Variants in EZH2 observed in about 807,000 individuals in gnomAD.
EZH2 encodes the protein enhancer of zeste 2 polycomb repressive complex 2 subunit.
EZH2 carries 18 observed loss-of-function variants against 98.4 expected under a neutral mutation model. The observed-to-expected ratio is 0.18, with a 90% CI of 0.13 to 0.27. The LOEUF (loss-of-function observed/expected upper bound fraction) is 0.27, where lower values mean the gene tolerates loss of function less well. Among genes scored for constraint, EZH2 ranks in the 10% least tolerant of loss-of-function variants. The pLI is 1.00. For synonymous variants in EZH2, 338 were observed against 312.3 expected, an observed-to-expected ratio of 1.08 and a Z score of -0.87; for missense variants, 470 against 935.1, an observed-to-expected ratio of 0.50 and a Z score of 6.49.
At chr7:148,864,865 G>A (rs984064094) in intron 1 of EZH2, among the ~76,000 whole-genome samples, 9 of 151,856 alleles carry the variant, frequency 5.9e-5, no homozygotes, top group Middle Eastern at 6.8e-3. Context: ...AGTGGCTCAC[G>A]CCTGTAATCC....
At chr7:148,808,907 G>T (rs1402346960) in intron 19 of EZH2, among the ~76,000 whole-genome samples, 164 bp downstream of exon 19, 1 of 152,098 alleles carries the variant, frequency 6.6e-6, no homozygotes, top group East Asian at 1.9e-4. Flanking sequence ...TATATAAATG[G>T]ATAATAAATA....
intron 8 of EZH2, among the ~76,000 whole-genome samples, chr7:148,823,434 C>G (rs1419493082): frequency 6.6e-6 from 1 of 152,068 alleles, no homozygotes; most frequent in Non-Finnish European, 1.5e-5. Flanking sequence ...TAAATCCTAT[C>G]CTTATTCCAA....
intron 16 of EZH2, 82 bp downstream of exon 16, chr7:148,811,543 G>T: frequency 9.0e-7 from 1 of 1,113,936 alleles, no homozygotes; most frequent in Non-Finnish European, 1.3e-6. Flanking sequence ...CAAACCCACA[G>T]ACTTACCTAA....
chr7:148,881,516 A>G (rs1243187654), intron 1 of EZH2, among the ~76,000 whole-genome samples: 1 of 152,234 alleles, frequency 6.6e-6, no homozygotes, highest in Non-Finnish European at 1.5e-5. Context: ...TCTCAATTGT[A>G]CCAGAAAATA....
At chr7:148,839,527 T>TGGG (rs35484227) in intron 3 of EZH2, among the ~76,000 whole-genome samples, 14 of 134,254 alleles carry the variant, frequency 1.0e-4, no homozygotes, top group African/African-American at 2.5e-4. Context: ...AACATCAAAA[T>TGGG]GGGGGGGGGG....
intron 3 of EZH2, among the ~76,000 whole-genome samples, chr7:148,839,088 G>GGAAGGAAGGAAGGAAGGAAGGAAA (rs1562997749): frequency 2.1e-5 from 3 of 140,772 alleles, no homozygotes; most frequent in African/African-American, 8.6e-5. Flanking sequence ...AAGGAAGGAA[G>GGAAGGAAGGAAGGAAGGAAGGAAA]GAAGGAAGGA....
At chr7:148,842,919 AT>A (rs1316369524) in intron 3 of EZH2, among the ~76,000 whole-genome samples, 1 of 151,776 alleles carries the variant, frequency 6.6e-6, no homozygotes, top group African/African-American at 2.4e-5. Context: ...ATACAAAAAA[AT>A]TAGCCCGATG....
intron 6 of EZH2, among the ~76,000 whole-genome samples, chr7:148,827,772 T>C (rs1005580332): frequency 6.6e-6 from 1 of 152,230 alleles, no homozygotes. Flanking sequence ...TTCCCAATAG[T>C]GTAATCTTAT....
chr7:148,854,363 G>A (rs531979357), intron 1 of EZH2, among the ~76,000 whole-genome samples: 5 of 151,556 alleles, frequency 3.3e-5, no homozygotes, highest in Non-Finnish European at 7.4e-5. Flanking sequence ...GTGAACCCGG[G>A]AGGCAGAGCT....
At chr7:148,838,063 C>CTTTT (rs35838307) in intron 3 of EZH2, among the ~76,000 whole-genome samples, 82 of 100,502 alleles carry the variant, frequency 8.2e-4, no homozygotes, top group Non-Finnish European at 1.0e-3. Context: ...GTTTAGACTC[C>CTTTT]TTTTTTTTTT....
At chr7:148,844,832 T>C (rs1217499711) in intron 3 of EZH2, among the ~76,000 whole-genome samples, 1 of 152,190 alleles carries the variant, frequency 6.6e-6, no homozygotes, top group African/African-American at 2.4e-5. Flanking sequence ...TCAAGTTGTA[T>C]GTCAATAATG....
intron 2 of EZH2, 80 bp from the exon 3 acceptor site, chr7:148,846,678 A>T (rs1299000958): frequency 7.8e-7 from 1 of 1,278,094 alleles, no homozygotes; most frequent in African/African-American, 1.5e-5. Context: ...AGCAGGTTAA[A>T]AATCTAGTGT....
intron 15 of EZH2, among the ~76,000 whole-genome samples, chr7:148,812,655 T>C (rs918336865): frequency 3.9e-5 from 6 of 152,186 alleles, no homozygotes; most frequent in Non-Finnish European, 7.3e-5. Flanking sequence ...TGAATAGAAT[T>C]GCCCACTTTC....
At chr7:148,815,476 T>G (rs779789517) in intron 13 of EZH2, 30 bp downstream of exon 13, 9 of 1,602,394 alleles carry the variant, frequency 5.6e-6, no homozygotes, top group Non-Finnish European at 7.7e-6. Flanking sequence ...ATTGTTAAGC[T>G]AATAATGAGA....
intron 1 of EZH2, among the ~76,000 whole-genome samples, chr7:148,875,055 TAAATG>T (rs1819991376): frequency 6.6e-6 from 1 of 152,160 alleles, no homozygotes; most frequent in Non-Finnish European, 1.5e-5. Flanking sequence ...AACTCACTAA[TAAATG>T]AAAAGGTTTG....
Position 148,814,149 on chromosome 7 carries a change from G to A in EZH2, c.1673-12C>T. The A allele has an allele frequency of 6.2e-7, 1 of 1,611,504 alleles. No homozygotes were observed. Among genetic ancestry groups the A allele is most frequent in the Non-Finnish European group, 8.5e-7 (1 of 1,178,772 alleles). On this transcript the variant is annotated splice_polypyrimidine_tract_variant and intron_variant, in intron 14 of 19. Coordinates refer to ENST00000320356, the MANE Select transcript of EZH2 (RefSeq NM_004456.5). ...AAAGCGGTTTTGACCTTCAGAGAGA[G>A]GTTTGGAGGTTCTTCACTCATCACC...
intron 1 of EZH2, among the ~76,000 whole-genome samples, chr7:148,855,613 C>A (rs967529048): frequency 6.6e-6 from 1 of 152,022 alleles, no homozygotes; most frequent in Non-Finnish European, 1.5e-5. Flanking sequence ...AAAGTAGTGG[C>A]TATCAGGTGG....
intron 1 of EZH2, among the ~76,000 whole-genome samples, chr7:148,866,846 C>T (rs1012558836): frequency 4.7e-5 from 7 of 149,762 alleles, no homozygotes; most frequent in South Asian, 2.1e-4. Flanking sequence ...TTCCAAGTAG[C>T]TGAGACTACA....
In EZH2 at chr7:148,818,638, T is replaced by C. The variant is rs537584357; in HGVS notation, c.1000-521A>G. Among the ~76,000 whole-genome samples, 194 of 152,278 alleles carry C rather than the reference T, an allele frequency of 1.3e-3. 2 individuals are homozygous for C. Among genetic ancestry groups the C allele is most frequent in the Non-Finnish European group, 1.9e-4 (13 of 68,032 alleles). On this transcript the variant is annotated intron_variant, in intron 9 of 19. Transcript: ENST00000320356. ...TGCTTGACTTTGTCACTTCCTGTCTTACTATTAAAACATCCAACATTTTTT... is the reference window on the plus strand; with the variant it reads ...TGCTTGACTTTGTCACTTCCTGTCTCACTATTAAAACATCCAACATTTTTT...
Sources: allele counts gnomAD v4.1 joint callset (sites outside exome capture counted in the v4.1 genomes callset), GRCh38; gene constraint gnomAD v4.1.1; transcripts MANE v1.5; gene names NCBI Gene and HGNC (gene_info 2026-07-23, HGNC 2026-07-21).